SOX5: variants seen among roughly 807,000 people sequenced by gnomAD.
The protein encoded by SOX5 is transcription factor SOX-5.
A neutral mutation model predicts 92.0 loss-of-function variants in SOX5; 9 were observed. The ratio of observed to expected loss-of-function variants is 0.10; its 90% CI spans 0.06 to 0.17. The LOEUF (loss-of-function observed/expected upper bound fraction) is 0.17, where lower values mean the gene tolerates loss of function less well. Among genes scored for constraint, SOX5 ranks in the 10% least tolerant of loss-of-function variants. The probability of loss-of-function intolerance (pLI) is 1.00; values close to 1 mark genes in which losing one functional copy is unlikely to be tolerated. For synonymous variants in SOX5, 344 were observed against 336.3 expected (o/e 1.02, Z -0.25); for missense variants, 642 against 944.5 (o/e 0.68, Z 4.20).
chr12:24,378,651 T>G (rs1957523905), intron 1 of SOX5, among the ~76,000 whole-genome samples: 1 of 152,242 alleles, frequency 6.6e-6, no homozygotes, highest in South Asian at 2.1e-4. Context: ...CCATTCTTGC[T>G]GCAACTTAGC....
At chr12:24,391,012 T>C (rs769054910) in intron 1 of SOX5, among the ~76,000 whole-genome samples, 3 of 152,270 alleles carry the variant, frequency 2.0e-5, no homozygotes, top group African/African-American at 7.2e-5. Context: ...CTGTTTTCCA[T>C]AGGATTGTAC....
chr12:23,694,844 C>T (rs1010347456), intron 6 of SOX5, among the ~76,000 whole-genome samples: 2 of 152,124 alleles, frequency 1.3e-5, no homozygotes, highest in African/African-American at 4.8e-5. Context: ...TCATACCAGG[C>T]ACAGTGGCTC....
At position 24,507,032 on chromosome 12, in the gene SOX5, C is replaced by T. The variant is rs527977950; in HGVS notation, c.-251+55297G>A. ...GTCTCGATTTCCTGACCTCGTGATCCGCCCGCCTCGGCCTCCCAAAGTGCT... is the reference window on the plus strand; with the variant it reads ...GTCTCGATTTCCTGACCTCGTGATCTGCCCGCCTCGGCCTCCCAAAGTGCT... On this transcript the variant is annotated intron_variant, in intron 1 of 4. Transcript: ENST00000446891. Among the ~76,000 whole-genome samples, 403 of 151,932 alleles carry T rather than the reference C, an allele frequency of 2.7e-3. 1 individual carries two copies. The highest frequency in any genetic ancestry group is 9.2e-3 in the African/African-American group (382 of 41,436).
Position 23,577,040 on chromosome 12 carries a change from T to C in SOX5, c.1165-1202A>G, listed in dbSNP as rs887958093. ...ACATTAAAGTATATGTTAATTACTG[T>C]ATACAAAAATTTAATGCACAGTCCT... On this transcript the variant is annotated intron_variant, in intron 9 of 14. Coordinates refer to ENST00000451604, the MANE Select transcript of SOX5 (RefSeq NM_006940.6). 1.1e-3 allele frequency among the ~76,000 whole-genome samples: 162 copies of C among 150,868 alleles called. 1 individual carries two copies. Among genetic ancestry groups the C allele is most frequent in the Middle Eastern group, 0.01 (3 of 288 alleles).
rs921581904 is a variant in SOX5 at position 23,966,104 on chromosome 12, T to G, written c.-1-70080A>C. Reference sequence around the variant, plus strand: ...ATAGGAACATATTCAATCATTGAAATTGAGGCCTAGGATTGTAGGGCAAGA... The same window carrying G: ...ATAGGAACATATTCAATCATTGAAAGTGAGGCCTAGGATTGTAGGGCAAGA... On this transcript the variant is annotated intron_variant, in intron 4 of 4. Coordinates refer to the SOX5 transcript ENST00000446891. 8.6e-5 allele frequency among the ~76,000 whole-genome samples: 13 copies of G among 151,420 alleles called. 1 individual carries two copies. Among genetic ancestry groups the G allele is most frequent in the Admixed American group, 4.0e-4 (6 of 15,148 alleles).
intron 1 of SOX5, among the ~76,000 whole-genome samples, chr12:24,377,054 T>C (rs572477430): frequency 6.6e-6 from 1 of 152,232 alleles, no homozygotes; most frequent in East Asian, 1.9e-4. Context: ...CTTTGATGCA[T>C]TTCTCCTCTT....
chr12:24,461,262 T>TTAA (rs1555305633), intron 1 of SOX5, among the ~76,000 whole-genome samples: 1 of 152,048 alleles, frequency 6.6e-6, no homozygotes. Context: ...AAGCTGGTCA[T>TTAA]TTAAGTCAGA....
intron 2 of SOX5, among the ~76,000 whole-genome samples, chr12:24,344,512 C>T (rs1404585627): frequency 6.6e-6 from 1 of 152,128 alleles, no homozygotes; most frequent in Non-Finnish European, 1.5e-5. Context: ...AGCTGTGCCA[C>T]TGTCACACCT....
At chr12:23,638,216 C>G (rs930136423) in intron 8 of SOX5, 1 of 152,238 alleles carries the variant, frequency 6.6e-6, no homozygotes, top group African/African-American at 2.4e-5. Flanking sequence ...CCTAAGCCCA[C>G]CCACATCTGC....
At chr12:24,385,927 A>C (rs1292845175) in intron 1 of SOX5, among the ~76,000 whole-genome samples, 33 of 24,478 alleles carry the variant, frequency 1.3e-3, no homozygotes, top group Non-Finnish European at 3.2e-4. Context: ...ACCTTGTCAC[A>C]AAAAAAAAAA....
chr12:23,568,202 G>A (rs564893806), intron 10 of SOX5, among the ~76,000 whole-genome samples: 4 of 152,132 alleles, frequency 2.6e-5, no homozygotes, highest in Non-Finnish European at 5.9e-5. Context: ...TGAATATGCA[G>A]GCAGAGATTG....
intron 4 of SOX5, among the ~76,000 whole-genome samples, chr12:24,147,230 G>A (rs989986940): frequency 7.9e-5 from 12 of 152,242 alleles, no homozygotes; most frequent in Admixed American, 7.8e-4. Context: ...TTAACAAAAT[G>A]TTAAGAAATC....
At chr12:24,018,536 C>A (rs1774839089) in intron 4 of SOX5, among the ~76,000 whole-genome samples, 1 of 152,150 alleles carries the variant, frequency 6.6e-6, no homozygotes, top group African/African-American at 2.4e-5. Flanking sequence ...TGGCTCATAC[C>A]TGTAATCCCA....
At chr12:23,796,879 A>C in intron 3 of SOX5, among the ~76,000 whole-genome samples, 1 of 137,946 alleles carries the variant, frequency 7.2e-6, no homozygotes, top group East Asian at 2.2e-4. Flanking sequence ...ATTTATATAT[A>C]AATATATATA....
chr12:23,665,368 T>C (rs1566829129), intron 7 of SOX5, 76 bp downstream of exon 7: 2 of 1,481,336 alleles, frequency 1.4e-6, no homozygotes, highest in Non-Finnish European at 9.4e-7. Context: ...TTTCTTGGTG[T>C]GGCAGGAATA....
chr12:24,039,000 G>A (rs112157679), intron 4 of SOX5, among the ~76,000 whole-genome samples: 6,825 of 151,962 alleles, frequency 0.045, 168 homozygotes, highest in Middle Eastern at 0.065. Flanking sequence ...TCTTAGTTTC[G>A]AAATGAGAAA....
At chr12:24,175,461 C>G (rs780827002) in intron 4 of SOX5, among the ~76,000 whole-genome samples, 14 of 152,234 alleles carry the variant, frequency 9.2e-5, no homozygotes, top group Non-Finnish European at 1.8e-4. Context: ...GCTTCCTGTG[C>G]AGTAAGCACA....
intron 4 of SOX5, among the ~76,000 whole-genome samples, chr12:23,977,770 AAAAT>A (rs1460472695): frequency 7.2e-6 from 1 of 139,690 alleles, no homozygotes; most frequent in Non-Finnish European, 1.6e-5. Context: ...AGAAAAGAAA[AAAAT>A]AAATAAATGC....
chr12:24,132,492 G>A (rs908893853), intron 4 of SOX5, among the ~76,000 whole-genome samples: 4 of 152,072 alleles, frequency 2.6e-5, no homozygotes, highest in South Asian at 2.1e-4. Context: ...AATGTCCATC[G>A]ATGTTCATGT....
Sources: gnomAD v4.1 joint callset for allele counts (sites outside exome capture counted in the v4.1 genomes callset) on GRCh38, gnomAD v4.1.1 for gene constraint, MANE v1.5 for transcripts, NCBI Gene and HGNC (gene_info 2026-07-23, HGNC 2026-07-21) for gene names.